Variants in NALCN observed in about 807,000 individuals in gnomAD.
The protein encoded by NALCN is sodium leak channel NALCN.
A neutral mutation model predicts 225.3 loss-of-function variants in NALCN; 111 were observed. The observed-to-expected ratio is 0.49, with a 90% CI of 0.42 to 0.58. NALCN has a LOEUF of 0.58. Among genes scored for constraint, NALCN ranks in the 20% least tolerant of loss-of-function variants. The pLI is 0.00. For missense variants in NALCN, 1,378 were observed against 2,202.4 expected, an observed-to-expected ratio of 0.63 and a Z score of 7.49; for synonymous variants, 764 against 769.0, an observed-to-expected ratio of 0.99 and a Z score of 0.11.
chr13:101,067,223 T>G (rs1594130493), intron 39 of NALCN, among the ~76,000 whole-genome samples: 3 of 117,046 alleles, frequency 2.6e-5, no homozygotes, highest in African/African-American at 6.6e-5. Context: ...GAGGAAGGGG[T>G]AGAGGAGGAG....
At chr13:101,285,834 A>G (rs2043318521) in intron 9 of NALCN, among the ~76,000 whole-genome samples, 1 of 152,212 alleles carries the variant, frequency 6.6e-6, no homozygotes, top group South Asian at 2.1e-4. Context: ...TTTTAAGGAT[A>G]AAAGACAAAA....
At chr13:101,176,979 G>A (rs1374205985) in intron 14 of NALCN, among the ~76,000 whole-genome samples, 1 of 152,178 alleles carries the variant, frequency 6.6e-6, no homozygotes, top group African/African-American at 2.4e-5. Flanking sequence ...TGACTTATGA[G>A]GCTAGGCAAT....
chr13:101,344,704 G>A (rs1040576947), intron 7 of NALCN, among the ~76,000 whole-genome samples: 39 of 152,232 alleles, frequency 2.6e-4, no homozygotes, highest in South Asian at 1.7e-3. Flanking sequence ...GACTTAATAA[G>A]GCAAGCCAAG....
intron 33 of NALCN, among the ~76,000 whole-genome samples, chr13:101,082,157 A>G (rs1021759788): frequency 6.6e-6 from 1 of 152,176 alleles, no homozygotes; most frequent in African/African-American, 2.4e-5. Context: ...GGGTTACAGG[A>G]GTGAGCCAGC....
chr13:101,083,008 A>G, intron 32 of NALCN, 84 bp downstream of exon 32: 2 of 1,538,902 alleles, frequency 1.3e-6, no homozygotes, highest in Non-Finnish European at 1.8e-6. Flanking sequence ...CATAACCGTG[A>G]ATGCATATAG....
intron 11 of NALCN, among the ~76,000 whole-genome samples, chr13:101,254,890 C>CAAAAAAAA (rs149258180): frequency 2.6e-5 from 1 of 38,474 alleles, no homozygotes; most frequent in Non-Finnish European, 5.0e-5. Flanking sequence ...GACTCTGTCT[C>CAAAAAAAA]AAAAAAAAAA....
chr13:101,229,736 A>G lies in NALCN; in HGVS notation c.1435-152T>C, dbSNP rs573920393. ...TCTAGTGACTAAAATTAACAATAGAATAACCATTGGTCTAGCTCAATAAAT... is the reference window on the plus strand; with the variant it reads ...TCTAGTGACTAAAATTAACAATAGAGTAACCATTGGTCTAGCTCAATAAAT... On this transcript the variant is annotated intron_variant, in intron 12 of 43. Coordinates refer to ENST00000251127, the MANE Select transcript of NALCN (RefSeq NM_052867.4). 7 of 605,602 alleles carry G rather than the reference A, an allele frequency of 1.2e-5. No homozygotes were observed. The Admixed American group carries it at 2.4e-4, about 21-fold the overall frequency. 37.5% of individuals were successfully genotyped at this position (605,602 alleles called of 1,614,324 possible). A position where few individuals can be genotyped will look rare whatever the true frequency, so the allele number is the denominator to read the frequency against.
intron 6 of NALCN, among the ~76,000 whole-genome samples, chr13:101,374,272 CTTTTT>C (rs869167949): frequency 8.3e-6 from 1 of 119,928 alleles, no homozygotes; most frequent in Non-Finnish European, 1.8e-5. Context: ...AAATTTCTTT[CTTTTT>C]TTTTTTTTTT....
At chr13:101,367,999 T>TATTTTATTTC (rs1364745590) in intron 6 of NALCN, among the ~76,000 whole-genome samples, 1 of 151,472 alleles carries the variant, frequency 6.6e-6, no homozygotes, top group African/African-American at 2.4e-5. Context: ...TATTTTATTT[T>TATTTTATTTC]ATTTTATTTT....
intron 11 of NALCN, among the ~76,000 whole-genome samples, chr13:101,252,050 T>C (rs1594529344): frequency 2.6e-5 from 4 of 152,336 alleles, no homozygotes; most frequent in Admixed American, 2.6e-4. Flanking sequence ...GTAGAGTCAC[T>C]AAAATTTCTT....
chr13:101,100,229 A>T (rs1357472209), intron 27 of NALCN, among the ~76,000 whole-genome samples: 1 of 152,136 alleles, frequency 6.6e-6, no homozygotes, highest in African/African-American at 2.4e-5. Context: ...ACATTTTTGC[A>T]TGGGGCTGTT....
intron 6 of NALCN, among the ~76,000 whole-genome samples, chr13:101,355,255 T>C (rs2046020487): frequency 6.6e-6 from 1 of 151,938 alleles, no homozygotes. Flanking sequence ...AGTCTCCAAC[T>C]TGGATAAAGA....
chr13:101,340,252 A>G (rs1285306905), intron 7 of NALCN, among the ~76,000 whole-genome samples: 1 of 151,852 alleles, frequency 6.6e-6, no homozygotes, highest in African/African-American at 2.4e-5. Flanking sequence ...TGGGCGACAG[A>G]CCGAGACTCC....
rs370994012 is a variant in NALCN at position 101,143,084 on chromosome 13, T to C, written c.2114A>G (p.Gln705Arg). ...SAIEDNKYIDQKLRKSVFSIR... is the reference protein window; with the variant it reads ...SAIEDNKYIDRKLRKSVFSIR... Reference sequence around the variant, plus strand: ...ATTCGAAACAGCAGATCTTACTTTTTGGTCGATGTATTTGTTGTCCTCAAT... The same window carrying C: ...ATTCGAAACAGCAGATCTTACTTTTCGGTCGATGTATTTGTTGTCCTCAAT... Residue 705 changes from glutamine to arginine, a missense_variant, in exon 17 of 44, where the codon CAA becomes CGA. Gln to Arg is a conservative substitution (Grantham distance 43). This residue lies in a region of NALCN where 100 missense variants were observed against 89.4 expected (regional missense o/e 1.12). Coordinates refer to ENST00000251127, the MANE Select transcript of NALCN (RefSeq NM_052867.4). The C allele has an allele frequency of 2.5e-6, 4 of 1,614,066 alleles. No individual in the cohort carries two copies. Among genetic ancestry groups the C allele is most frequent in the Admixed American group, 1.7e-5 (1 of 60,004 alleles).
chr13:101,278,454 C>T (rs1421901602), intron 10 of NALCN, among the ~76,000 whole-genome samples: 6 of 135,204 alleles, frequency 4.4e-5, no homozygotes, highest in Middle Eastern at 8.6e-3. Context: ...ACCTGGGAGG[C>T]GGAGGTTGCA....
At chr13:101,099,967 T>C (rs1355128605) in intron 27 of NALCN, among the ~76,000 whole-genome samples, 2 of 152,188 alleles carry the variant, frequency 1.3e-5, no homozygotes, top group Non-Finnish European at 2.9e-5. Flanking sequence ...CATTTCATTA[T>C]GTGAAGCTAC....
chr13:101,127,993 A>T (rs1489919843), intron 17 of NALCN, among the ~76,000 whole-genome samples: 1 of 152,210 alleles, frequency 6.6e-6, no homozygotes, highest in Non-Finnish European at 1.5e-5. Flanking sequence ...ATAATTAGCA[A>T]AACAAAGAAT....
chr13:101,318,667 A>C (rs1443065981), intron 7 of NALCN, among the ~76,000 whole-genome samples: 1 of 152,210 alleles, frequency 6.6e-6, no homozygotes, highest in Non-Finnish European at 1.5e-5. Flanking sequence ...AGAGGCTAGA[A>C]TTATATGCAA....
rs537768045 is a variant in NALCN, at chr13:101,199,243, C to T, written c.1627-7189G>A. 9.9e-5 allele frequency among the ~76,000 whole-genome samples: 15 copies of T among 151,480 alleles called. No individual in the cohort carries two copies. The South Asian group carries it at 3.1e-3, about 32-fold the overall frequency. ...ACATGGCATATATATACATATGTAA[C>T]AAACCTGCACATTGTGCACATGTAC... On this transcript the variant is annotated intron_variant, in intron 13 of 43. Coordinates refer to ENST00000251127, the MANE Select transcript of NALCN (RefSeq NM_052867.4).
Sources: gnomAD v4.1 joint callset for allele counts (sites outside exome capture counted in the v4.1 genomes callset) on GRCh38, gnomAD v4.1.1 for gene constraint, gnomAD v4.1.1 regional missense constraint, MANE v1.5 for transcripts, NCBI Gene and HGNC (gene_info 2026-07-23, HGNC 2026-07-21) for gene names.